Variants in CFAP97D2 observed in about 807,000 individuals in gnomAD.
CFAP97D2 encodes CFAP97 domain containing 2, also known as uncharacterized protein CFAP97D2.
At chr13:114,188,497 G>A (rs975309978) in intron 1 of CFAP97D2, among the ~76,000 whole-genome samples, 1 of 152,008 alleles carries the variant, frequency 6.6e-6, no homozygotes. Context: ...AAAAAAAGAG[G>A]CCAGGTGCAG....
Position 114,211,357 on chromosome 13 carries a change from C to T in CFAP97D2, c.291-555C>T, listed in dbSNP as rs1594521292. 6.6e-6 allele frequency among the ~76,000 whole-genome samples: 1 copy of T among 152,188 alleles called. No individual in the cohort carries two copies. Among genetic ancestry groups the T allele is most frequent in the African/African-American group, 2.4e-5 (1 of 41,444 alleles). On this transcript the variant is annotated intron_variant, in intron 3 of 4. Coordinates refer to ENST00000646158, the Ensembl canonical transcript of CFAP97D2. This position sits in a 1 kb window ranked among gnomAD's most constrained non-coding sequence, Gnocchi z 4.2. ...CCAGCCTGTCCACAGGGGTCTTTCT[C>T]AAGTGCCTGCGGAGTCTGGTTTGAA...
At chr13:114,212,676 T>C (rs538512480) in intron 4 of CFAP97D2, among the ~76,000 whole-genome samples, 3 of 152,178 alleles carry the variant, frequency 2.0e-5, no homozygotes, top group Middle Eastern at 3.4e-3. Flanking sequence ...AGTGAAACCC[T>C]GTCTCTACTA....
In CFAP97D2 at chr13:114,211,636, C is replaced by A. The variant is rs1247196374; in HGVS notation, c.291-276C>A. 2.6e-5 allele frequency among the ~76,000 whole-genome samples: 4 copies of A among 152,208 alleles called. No individual in the cohort carries two copies. The highest frequency in any genetic ancestry group is 9.7e-5 in the African/African-American group (4 of 41,450). On this transcript the variant is annotated intron_variant, in intron 3 of 4. Transcript: ENST00000646158. This position sits in a 1 kb window ranked among gnomAD's most constrained non-coding sequence, Gnocchi z 4.2. ...ACCACGCTCAGGAAGCACCGGGAGA[C>A]TTCCCCGCTGTGCCCCATTGTGCTC...
chr13:114,187,553 A>G lies in CFAP97D2; in HGVS notation c.90+8133A>G, dbSNP rs1594514068. Among the ~76,000 whole-genome samples, 1 of 152,224 alleles carries G rather than the reference A, an allele frequency of 6.6e-6. No homozygotes were observed. The highest frequency in any genetic ancestry group is 1.9e-4 in the East Asian group (1 of 5,200). ...GATAAAATGGGGTCGATTCTCCAAAAAGGCATAATAATCCTTAATGTGCAA... is the reference window on the plus strand; with the variant it reads ...GATAAAATGGGGTCGATTCTCCAAAGAGGCATAATAATCCTTAATGTGCAA... On this transcript the variant is annotated intron_variant, in intron 1 of 4. Transcript: ENST00000646158. This position sits in a 1 kb window ranked among gnomAD's most constrained non-coding sequence, Gnocchi z 4.2.
intron 3 of CFAP97D2, among the ~76,000 whole-genome samples, chr13:114,205,375 C>T (rs1162152643): frequency 2.0e-5 from 3 of 152,148 alleles, no homozygotes; most frequent in African/African-American, 7.2e-5. Flanking sequence ...TACACGAAAA[C>T]ATATACAATT....
In CFAP97D2 at chr13:114,189,826, G is replaced by A. The variant is rs2080863070; in HGVS notation, c.91-6570G>A. The stretch of plus-strand genomic sequence containing the variant: ...AAGAATAAAGGAAACTAGAAGTTGA[G>A]GAAAACTTTCTCAACTTGATAAAGA... On this transcript the variant is annotated intron_variant, in intron 1 of 4. Coordinates refer to ENST00000646158, the Ensembl canonical transcript of CFAP97D2. The surrounding 1 kb of genome is among the most constrained non-coding windows in gnomAD (Gnocchi z 4.5). Among the ~76,000 whole-genome samples, 1 of 152,148 alleles carries A rather than the reference G, an allele frequency of 6.6e-6. No individual in the cohort carries two copies. Among genetic ancestry groups the A allele is most frequent in the Non-Finnish European group, 1.5e-5 (1 of 68,028 alleles).
chr13:114,182,932 C>A (rs2080841966), intron 1 of CFAP97D2, among the ~76,000 whole-genome samples: 1 of 152,124 alleles, frequency 6.6e-6, no homozygotes, highest in South Asian at 2.1e-4. Context: ...TCTTTCTTTT[C>A]CCTACAATGC....
At chr13:114,212,163 A>C (rs2080969921) in intron 4 of CFAP97D2, 1 of 398,072 alleles carries the variant, frequency 2.5e-6, no homozygotes, top group Admixed American at 4.4e-5. Flanking sequence ...GTTTTACTTC[A>C]TCAGATTCAT....
chr13:114,219,278 C>T (rs2081009244), intron 4 of CFAP97D2, among the ~76,000 whole-genome samples: 1 of 152,098 alleles, frequency 6.6e-6, no homozygotes, highest in Non-Finnish European at 1.5e-5. Flanking sequence ...GAGGCTTTCC[C>T]CGCTCAGTTT....
At chr13:114,193,401 T>G (rs147978423) in intron 1 of CFAP97D2, among the ~76,000 whole-genome samples, 1,744 of 152,324 alleles carry the variant, frequency 0.011, 97 homozygotes, top group Admixed American at 0.08. Context: ...CAGAATTTTA[T>G]TTCTCACAGT....
chr13:114,211,886 C>A lies in CFAP97D2; in HGVS notation c.291-26C>A. Reference sequence around the variant, plus strand: ...GGCAGCCTTAATAAAATCCAAATTTCAAAATGTGTGTGCTCTTTCGTGGAG... The same window carrying A: ...GGCAGCCTTAATAAAATCCAAATTTAAAAATGTGTGTGCTCTTTCGTGGAG... On this transcript the variant is annotated intron_variant, in intron 3 of 4. Coordinates refer to ENST00000646158, the Ensembl canonical transcript of CFAP97D2. The surrounding 1 kb of genome is among the most constrained non-coding windows in gnomAD (Gnocchi z 4.2). 2 of 398,666 alleles carry A rather than the reference C, an allele frequency of 5.0e-6. No individual in the cohort carries two copies. The highest frequency in any genetic ancestry group is 2.6e-4 in the South Asian group (2 of 7,838). The allele number at this position is 398,666 out of a possible 1,614,324, so 24.7% of individuals were successfully genotyped here. A position where few individuals can be genotyped will look rare whatever the true frequency, so the allele number is the denominator to read the frequency against.
intron 1 of CFAP97D2, among the ~76,000 whole-genome samples, chr13:114,184,398 C>T (rs2080847963): frequency 6.6e-6 from 1 of 152,112 alleles, no homozygotes; most frequent in Admixed American, 6.5e-5. Context: ...TCAAAGAATG[C>T]CAAAAAGGAT....
In CFAP97D2 at chr13:114,205,980, G is replaced by T. The variant is rs9562149; in HGVS notation, c.290+5537G>T. Among the ~76,000 whole-genome samples, 596 of 152,350 alleles carry T rather than the reference G, an allele frequency of 3.9e-3. 9 individuals carry two copies. The East Asian group carries it at 0.042, about 11-fold the overall frequency. ...CTAGAAGCTATGGGGAGTAGAGCCTGTGTGCCTGGCTGCAGCCTCTGGAGT... is the reference window on the plus strand; with the variant it reads ...CTAGAAGCTATGGGGAGTAGAGCCTTTGTGCCTGGCTGCAGCCTCTGGAGT... On this transcript the variant is annotated intron_variant, in intron 3 of 4. Coordinates refer to ENST00000646158, the Ensembl canonical transcript of CFAP97D2.
At position 114,187,808 on chromosome 13, in the gene CFAP97D2, C is replaced by T. The variant is rs1030990598; in HGVS notation, c.90+8388C>T. Among the ~76,000 whole-genome samples, 1 of 152,162 alleles carries T rather than the reference C, an allele frequency of 6.6e-6. No individual in the cohort carries two copies. The highest frequency in any genetic ancestry group is 6.5e-5 in the Admixed American group (1 of 15,278). On this transcript the variant is annotated intron_variant, in intron 1 of 4. Coordinates refer to ENST00000646158, the Ensembl canonical transcript of CFAP97D2. This position sits in a 1 kb window ranked among gnomAD's most constrained non-coding sequence, Gnocchi z 4.2. ...CAGGATAATACTCATTCTTCTCAAG[C>T]TCACATGGAATATTCACCAAGATAG...
intron 1 of CFAP97D2, among the ~76,000 whole-genome samples, chr13:114,195,033 T>C (rs1287822989): frequency 6.6e-6 from 1 of 152,182 alleles, no homozygotes; most frequent in East Asian, 1.9e-4. Context: ...TCTTCATGCC[T>C]TCCTTTCCCT....
intron 4 of CFAP97D2, among the ~76,000 whole-genome samples, chr13:114,217,511 C>T (rs1336630485): frequency 6.6e-6 from 1 of 152,202 alleles, no homozygotes; most frequent in Non-Finnish European, 1.5e-5. Context: ...GGGAATCCTC[C>T]CTAACTCATT....
intron 1 of CFAP97D2, among the ~76,000 whole-genome samples, chr13:114,192,149 G>T (rs770347419): frequency 6.6e-6 from 1 of 152,070 alleles, no homozygotes; most frequent in African/African-American, 2.4e-5. Flanking sequence ...ATGCAGTGAC[G>T]GATACCTGTT....
intron 4 of CFAP97D2, among the ~76,000 whole-genome samples, chr13:114,219,704 ATGCCTCCCCCAC>A (rs2081011486): frequency 6.6e-6 from 1 of 152,230 alleles, no homozygotes; most frequent in South Asian, 2.1e-4. Flanking sequence ...GCTCCGAGGC[ATGCCTCCCCCAC>A]TGCCCTGTAC....
At chr13:114,179,278 C>T (rs1460702402), upstream of CFAP97D2, 8 of 398,490 alleles carry the variant, frequency 2.0e-5, no homozygotes, top group Non-Finnish European at 3.5e-5. This position sits in a 1 kb window ranked among gnomAD's most constrained non-coding sequence, Gnocchi z 4.8. Flanking sequence ...AGGTCTGCAC[C>T]AGGCCCCAGC....
Sources: gnomAD v4.1 joint callset for allele counts (sites outside exome capture counted in the v4.1 genomes callset) on GRCh38, gnomAD v4.1.1 for gene constraint, Gnocchi (gnomAD v3.1) non-coding constraint, MANE v1.5 for transcripts, NCBI Gene and HGNC (gene_info 2026-07-23, HGNC 2026-07-21) for gene names.